Variants in LTBP1 observed in about 807,000 individuals in gnomAD.
The protein encoded by LTBP1 is latent-transforming growth factor beta-binding protein 1.
A neutral mutation model predicts 207.6 loss-of-function variants in LTBP1; 129 were observed. The observed-to-expected ratio is 0.62, with a 90% CI of 0.54 to 0.72. The LOEUF (loss-of-function observed/expected upper bound fraction) is 0.72. Among genes scored for constraint, LTBP1 ranks in the 30% least tolerant of loss-of-function variants. The probability of loss-of-function intolerance (pLI) is 0.00; values close to 1 mark genes in which losing one functional copy is unlikely to be tolerated. For missense variants in LTBP1, 2,281 were observed against 2,217.2 expected, an observed-to-expected ratio of 1.03 and a Z score of -0.58; for synonymous variants, 963 against 833.7, an observed-to-expected ratio of 1.16 and a Z score of -2.67.
At chr2:33,202,574 A>G (rs2089429647) in intron 7 of LTBP1, among the ~76,000 whole-genome samples, 1 of 152,234 alleles carries the variant, frequency 6.6e-6, no homozygotes, top group African/African-American at 2.4e-5. Flanking sequence ...GTAATGCCAG[A>G]ATTATTGTAA....
intron 5 of LTBP1, among the ~76,000 whole-genome samples, chr2:33,149,554 C>G (rs1404497027): frequency 6.6e-6 from 1 of 152,188 alleles, no homozygotes; most frequent in African/African-American, 2.4e-5. Context: ...TTGACCTAGT[C>G]AACTGGACCC....
chr2:33,274,567 G>A (rs1408934532), intron 16 of LTBP1, among the ~76,000 whole-genome samples: 1 of 152,168 alleles, frequency 6.6e-6, no homozygotes, highest in East Asian at 1.9e-4. Context: ...AAGTTAGAAA[G>A]GCAACAGAGA....
intron 3 of LTBP1, among the ~76,000 whole-genome samples, chr2:33,055,566 A>G (rs1177520772): frequency 6.6e-6 from 1 of 152,206 alleles, no homozygotes; most frequent in Non-Finnish European, 1.5e-5. Flanking sequence ...TTACTTGACT[A>G]AGATACCAGG....
intron 26 of LTBP1, among the ~76,000 whole-genome samples, chr2:33,355,887 G>A (rs7569074): frequency 0.075 from 11,397 of 152,174 alleles, 782 homozygotes; most frequent in African/African-American, 0.17. Flanking sequence ...CTCTTTAAGA[G>A]CAAGAACTAT....
At chr2:33,374,196 T>C (rs1574064915) in intron 31 of LTBP1, among the ~76,000 whole-genome samples, 1 of 152,328 alleles carries the variant, frequency 6.6e-6, no homozygotes, top group Admixed American at 6.5e-5. Flanking sequence ...CCAAGAAATA[T>C]GTTTCCAAAG....
chr2:33,207,011 T>C (rs1172531686), intron 7 of LTBP1, among the ~76,000 whole-genome samples: 2 of 152,200 alleles, frequency 1.3e-5, no homozygotes, highest in African/African-American at 4.8e-5. Context: ...AATATAATCA[T>C]GATAATACTG....
chr2:33,101,354 A>G (rs1454374841), intron 3 of LTBP1, among the ~76,000 whole-genome samples: 1 of 152,236 alleles, frequency 6.6e-6, no homozygotes, highest in Non-Finnish European at 1.5e-5. Context: ...ATCTAATATT[A>G]TCAGAGGGAT....
chr2:33,182,701 C>CATATATATATATATATATATAT (rs1558769812), intron 5 of LTBP1, among the ~76,000 whole-genome samples: 1 of 42,646 alleles, frequency 2.3e-5, no homozygotes, highest in African/African-American at 9.4e-5. Context: ...TATATATATA[C>CATATATATATATATATATATAT]ACACACACAC....
chr2:33,110,454 A>T, intron 3 of LTBP1, 128 bp from the exon 4 acceptor site: 1 of 790,264 alleles, frequency 1.3e-6, no homozygotes, highest in Non-Finnish European at 2.0e-6. Context: ...TATTTGAAGG[A>T]AAAAAAATGA....
chr2:33,017,920 G>T (rs1688614841), intron 2 of LTBP1, among the ~76,000 whole-genome samples: 1 of 152,138 alleles, frequency 6.6e-6, no homozygotes, highest in African/African-American at 2.4e-5. Context: ...GGCTTCTCTT[G>T]GGAGTTAGGG....
chr2:33,210,087 AG>A (rs2090193750), intron 7 of LTBP1, among the ~76,000 whole-genome samples: 1 of 152,206 alleles, frequency 6.6e-6, no homozygotes, highest in South Asian at 2.1e-4. Flanking sequence ...ACTGAGTTCA[AG>A]GGGAATGTGG....
At chr2:33,256,459 C>T (rs541378278) in intron 11 of LTBP1, among the ~76,000 whole-genome samples, 2 of 151,864 alleles carry the variant, frequency 1.3e-5, no homozygotes, top group Non-Finnish European at 2.9e-5. Flanking sequence ...TTCGGCATCT[C>T]ATTTCCCTGA....
At chr2:33,381,479 AC>A (rs2095214043) in intron 31 of LTBP1, among the ~76,000 whole-genome samples, 1 of 152,202 alleles carries the variant, frequency 6.6e-6, no homozygotes, top group Admixed American at 6.5e-5. Flanking sequence ...ATTAACATTT[AC>A]AGGAGTCCCA....
chr2:33,130,444 T>A (rs1239214987), intron 4 of LTBP1, among the ~76,000 whole-genome samples: 1 of 152,220 alleles, frequency 6.6e-6, no homozygotes, highest in Non-Finnish European at 1.5e-5. Flanking sequence ...TACATTTATT[T>A]CTCTGCTTTT....
intron 4 of LTBP1, among the ~76,000 whole-genome samples, chr2:33,124,941 C>A (rs1558668389): frequency 1.3e-5 from 2 of 152,284 alleles, no homozygotes; most frequent in African/African-American, 4.8e-5. Context: ...CTTTGAACTT[C>A]TTATTATCAG....
intron 31 of LTBP1, among the ~76,000 whole-genome samples, chr2:33,381,767 T>C (rs1428667873): frequency 6.6e-6 from 1 of 152,134 alleles, no homozygotes; most frequent in African/African-American, 2.4e-5. Flanking sequence ...TTAATAATTT[T>C]TTTCCCAGGG....
intron 15 of LTBP1, among the ~76,000 whole-genome samples, chr2:33,273,124 T>C (rs572524032): frequency 6.6e-6 from 1 of 152,230 alleles, no homozygotes; most frequent in South Asian, 2.1e-4. Flanking sequence ...CACCAAGAAG[T>C]TTTTCTTTGT....
intron 19 of LTBP1, among the ~76,000 whole-genome samples, chr2:33,286,878 C>T (rs2093676071): frequency 6.6e-6 from 1 of 152,022 alleles, no homozygotes; most frequent in African/African-American, 2.4e-5. Context: ...GGGAATTGAA[C>T]AATGAGAACA....
At chr2:33,237,833 G>A (rs1478114961) in intron 9 of LTBP1, among the ~76,000 whole-genome samples, 2 of 152,194 alleles carry the variant, frequency 1.3e-5, no homozygotes, top group African/African-American at 4.8e-5. Context: ...TTGGTCAAGA[G>A]CAAGAAGGCC....
Sources: gnomAD v4.1 joint callset for allele counts (sites outside exome capture counted in the v4.1 genomes callset) on GRCh38, gnomAD v4.1.1 for gene constraint, MANE v1.5 for transcripts, NCBI Gene and HGNC (gene_info 2026-07-23, HGNC 2026-07-21) for gene names.